The following NDST1 variants were observed in gnomAD, a reference collection of about 807,000 sequenced individuals.
NDST1 encodes the protein N-deacetylase and N-sulfotransferase 1, also known as bifunctional heparan sulfate N-deacetylase/N-sulfotransferase 1.
In NDST1, 35 loss-of-function variants were observed where a neutral mutation model predicts 92.8. That is an observed-to-expected ratio of 0.38 (90% CI 0.29 to 0.50). NDST1 has a LOEUF of 0.50. Ranked by LOEUF, NDST1 falls within the 20% of genes least tolerant of loss-of-function variation. The pLI, the probability that NDST1 is intolerant of heterozygous loss-of-function variation, is 0.94. For missense variants in NDST1, 822 were observed against 1,182.7 expected, an observed-to-expected ratio of 0.69 and a Z score of 4.47; for synonymous variants, 493 against 500.3, an observed-to-expected ratio of 0.99 and a Z score of 0.19.
chr5:150,523,221 C>T (rs1033343752), intron 2 of NDST1, among the ~76,000 whole-genome samples: 1 of 152,226 alleles, frequency 6.6e-6, no homozygotes. Context: ...AGAGCACCCT[C>T]AGGGGAACGC....
At chr5:150,499,786 T>C (rs1170028123) in intron 1 of NDST1, among the ~76,000 whole-genome samples, 1 of 152,134 alleles carries the variant, frequency 6.6e-6, no homozygotes, top group African/African-American at 2.4e-5. Context: ...CACCCTGCAG[T>C]GTAACCAAGG....
chr5:150,550,969 TGTC>T (rs1391188660), intron 13 of NDST1: 1 of 152,508 alleles, frequency 6.6e-6, no homozygotes, highest in Non-Finnish European at 1.5e-5. Flanking sequence ...CTATTGTCCT[TGTC>T]ATCATCATCA....
chr5:150,547,274 C>G (rs1755529250), intron 11 of NDST1, among the ~76,000 whole-genome samples: 1 of 152,114 alleles, frequency 6.6e-6, no homozygotes. Flanking sequence ...CCAGGAGGAC[C>G]TGGGAAGATG....
At chr5:150,499,282 A>C (rs1011671138) in intron 1 of NDST1, among the ~76,000 whole-genome samples, 1 of 152,230 alleles carries the variant, frequency 6.6e-6, no homozygotes, top group Non-Finnish European at 1.5e-5. Flanking sequence ...GGAAGACAGG[A>C]AAACCTTGAG....
In NDST1 at chr5:150,533,054, C is replaced by T. The variant is rs776930898; in HGVS notation, c.1096+22C>T. 23 of 1,606,144 alleles carry T rather than the reference C, an allele frequency of 1.4e-5. No individual in the cohort carries two copies. In the East Asian group the frequency reaches 4.9e-4, roughly 34 times the overall value. ...ACAGGTAAGTGGGCCTGCCCCTGCC[C>T]TCACTAGCAACTTCCAGGACTCCTC... On this transcript the variant is annotated intron_variant, in intron 4 of 14. Coordinates refer to ENST00000261797, the MANE Select transcript of NDST1 (RefSeq NM_001543.5).
At chr5:150,548,498 T>C in intron 12 of NDST1, 110 bp downstream of exon 12, 1 of 1,177,318 alleles carries the variant, frequency 8.5e-7, no homozygotes, top group South Asian at 1.3e-5. Context: ...TATGCCCTCC[T>C]TGGAGAGCTA....
chr5:150,535,054 C>A, intron 5 of NDST1, 33 bp downstream of exon 5: 1 of 1,598,940 alleles, frequency 6.3e-7, no homozygotes, highest in Admixed American at 1.8e-5. Context: ...CAGAGCGGGG[C>A]GGGCTAAGGG....
rs199512253 is a variant in NDST1 at position 150,521,400 on chromosome 5, C to T, written c.146C>T (p.Ala49Val). Residue 49 changes from alanine (A) to valine (V), a missense_variant, in exon 2 of 15, where the codon GCG becomes GTG. Physicochemically the swap from Ala to Val is moderately conservative, Grantham distance 64 (BLOSUM62 0). Transcript: ENST00000261797. This position sits in a 1 kb window ranked among gnomAD's most constrained non-coding sequence, Gnocchi z 5.9. ...TGGAAGCGAGGCCTGGAGCCCTCGGCGGATGCCCCCGAGCCTGACTGCGGG... is the reference window on the plus strand; with the variant it reads ...TGGAAGCGAGGCCTGGAGCCCTCGGTGGATGCCCCCGAGCCTGACTGCGGG... ...YGWKRGLEPS[A>V]DAPEPDCGDP... 25 of 1,613,072 alleles carry T rather than the reference C, an allele frequency of 1.5e-5. No individual in the cohort carries two copies. Among genetic ancestry groups the T allele is most frequent in the South Asian group, 4.4e-5 (4 of 91,086 alleles).
chr5:150,523,421 A>T (rs187700062), intron 2 of NDST1, among the ~76,000 whole-genome samples: 1 of 152,220 alleles, frequency 6.6e-6, no homozygotes, highest in South Asian at 2.1e-4. Flanking sequence ...CACCGTCTAC[A>T]TGCGTTGTGC....
Position 150,521,127 on chromosome 5 carries a change from A to G in NDST1, c.-128A>G, listed in dbSNP as rs1024070581. On this transcript the variant is annotated 5_prime_UTR_variant, in exon 2 of 15. Coordinates refer to ENST00000261797, the MANE Select transcript of NDST1 (RefSeq NM_001543.5). The surrounding 1 kb of genome is among the most constrained non-coding windows in gnomAD (Gnocchi z 5.9). ...GATCCTCCACTCCCAGTGCCCCACA[A>G]GGGCGTCGCTTCCTAAGTCTCTGTG... is the stretch of plus-strand genomic sequence containing the variant. The G allele has an allele frequency of 8.4e-6, 7 of 829,932 alleles. No homozygotes were observed. The highest frequency in any genetic ancestry group is 1.7e-5 in the South Asian group (1 of 58,384). The allele number at this position is 829,932 out of a possible 1,614,324, so 51.4% of individuals were successfully genotyped here. A position where few individuals can be genotyped will look rare whatever the true frequency, so the allele number is the denominator to read the frequency against.
upstream of NDST1, among the ~76,000 whole-genome samples, chr5:150,507,432 G>A (rs1227455228): frequency 6.6e-6 from 1 of 152,222 alleles, no homozygotes; most frequent in African/African-American, 2.4e-5. Context: ...CCCTTTTCCA[G>A]TGTTCTGTGT....
rs529156037 is a variant in NDST1 at position 150,533,125 on chromosome 5, G to A, written c.1096+93G>A. On this transcript the variant is annotated intron_variant, in intron 4 of 14. Transcript: ENST00000261797. ...ACCCATCCATGAGGGCAGCGGGTGGGTTTACTGGCCCACATTAGAGGCAGA... is the reference window on the plus strand; with the variant it reads ...ACCCATCCATGAGGGCAGCGGGTGGATTTACTGGCCCACATTAGAGGCAGA... 269 of 1,270,294 alleles carry A rather than the reference G, an allele frequency of 2.1e-4. 1 individual carries two copies. In the African/African-American group the frequency reaches 3.5e-3, roughly 17 times the overall value. The allele number at this position is 1,270,294 out of a possible 1,614,324, so 78.7% of individuals were successfully genotyped here. A position where few individuals can be genotyped will look rare whatever the true frequency, so the allele number is the denominator to read the frequency against.
At chr5:150,551,942 A>G (rs1033951820) in intron 14 of NDST1, 87 bp downstream of exon 14, 10 of 1,560,332 alleles carry the variant, frequency 6.4e-6, no homozygotes, top group Admixed American at 3.8e-5. Context: ...TTCCTTTACC[A>G]TGCACTCAGC....
At chr5:150,551,311 G>T (rs1429926912) in intron 13 of NDST1, among the ~76,000 whole-genome samples, 1 of 151,888 alleles carries the variant, frequency 6.6e-6, no homozygotes, top group African/African-American at 2.4e-5. Context: ...TGATAAAGAT[G>T]AAATTTATTA....
At chr5:150,506,987 G>A (rs1457125929), upstream of NDST1, among the ~76,000 whole-genome samples, 2 of 152,216 alleles carry the variant, frequency 1.3e-5, no homozygotes, top group Non-Finnish European at 2.9e-5. Flanking sequence ...CACTGGCCAC[G>A]GGGCTTGGGG....
chr5:150,550,951 G>A (rs953424557), intron 13 of NDST1: 2 of 152,530 alleles, frequency 1.3e-5, no homozygotes, highest in African/African-American at 4.8e-5. Flanking sequence ...CTAAATAAAC[G>A]GTAGCTGCTA....
chr5:150,544,448 G>A (rs1755391594), intron 10 of NDST1, among the ~76,000 whole-genome samples: 1 of 152,202 alleles, frequency 6.6e-6, no homozygotes, highest in East Asian at 1.9e-4. Flanking sequence ...TAATTCCTTG[G>A]CCCAATTCCC....
At chr5:150,543,840 C>T (rs933511910) in intron 10 of NDST1, among the ~76,000 whole-genome samples, 4 of 151,140 alleles carry the variant, frequency 2.6e-5, no homozygotes, top group Admixed American at 6.6e-5. Context: ...AGTGCAGTGG[C>T]GCGATCTCGG....
At chr5:150,543,808 C>G (rs1755353489) in intron 10 of NDST1, among the ~76,000 whole-genome samples, 1 of 148,066 alleles carries the variant, frequency 6.8e-6, no homozygotes, top group Non-Finnish European at 1.5e-5. Context: ...GAGATGGAAT[C>G]TCGCTCTGTC....
Sources: allele counts gnomAD v4.1 joint callset (sites outside exome capture counted in the v4.1 genomes callset), GRCh38; gene constraint gnomAD v4.1.1; non-coding constraint Gnocchi (gnomAD v3.1); transcripts MANE v1.5; gene names NCBI Gene and HGNC (gene_info 2026-07-23, HGNC 2026-07-21).